MAP1B: variants seen among roughly 807,000 people sequenced by gnomAD.
MAP1B encodes the protein microtubule associated protein 1B, also known as microtubule-associated protein 1B.
In MAP1B, 12 loss-of-function variants were observed where a neutral mutation model predicts 176.1. That is an observed-to-expected ratio of 0.07 (90% CI 0.04 to 0.11). The LOEUF is 0.11. Among genes scored for constraint, MAP1B ranks in the 10% least tolerant of loss-of-function variants. MAP1B has a pLI of 1.00. For synonymous variants in MAP1B, 1,044 were observed against 1,135.0 expected, an observed-to-expected ratio of 0.92 and a Z score of 1.61; for missense variants, 2,523 against 2,990.5, an observed-to-expected ratio of 0.84 and a Z score of 3.65.
intron 2 of MAP1B, among the ~76,000 whole-genome samples, chr5:72,144,970 T>G (rs914718338): frequency 6.6e-6 from 1 of 152,268 alleles, no homozygotes; most frequent in African/African-American, 2.4e-5. Context: ...TGTGTGAGAT[T>G]CTAGAGGGCC....
intron 2 of MAP1B, among the ~76,000 whole-genome samples, chr5:72,155,231 C>T (rs1176767475): frequency 6.6e-6 from 1 of 152,188 alleles, no homozygotes; most frequent in African/African-American, 2.4e-5. Flanking sequence ...TTGCTCCCCC[C>T]AGAGTACTGT....
At chr5:72,184,741 G>A (rs1465172724) in intron 3 of MAP1B, among the ~76,000 whole-genome samples, 1 of 152,156 alleles carries the variant, frequency 6.6e-6, no homozygotes, top group East Asian at 1.9e-4. Context: ...CAAAGTCCCT[G>A]GGAACCTTCA....
At chr5:72,113,214 T>C (rs928854544) in intron 1 of MAP1B, among the ~76,000 whole-genome samples, 2 of 152,212 alleles carry the variant, frequency 1.3e-5, no homozygotes, top group Non-Finnish European at 2.9e-5. Flanking sequence ...GATTCCAAAA[T>C]TTTCCTTTCC....
intron 1 of MAP1B, among the ~76,000 whole-genome samples, chr5:72,108,178 C>T (rs894333347): frequency 2.6e-5 from 4 of 152,260 alleles, no homozygotes; most frequent in African/African-American, 9.6e-5. Context: ...GGGATTCATC[C>T]TCACCACGGC....
rs1332657424 is a variant in MAP1B at position 72,186,552 on chromosome 5, C to G, written c.370-62C>G. 3 of 1,592,288 alleles carry G rather than the reference C, an allele frequency of 1.9e-6. No individual in the cohort carries two copies. Among genetic ancestry groups the G allele is most frequent in the Non-Finnish European group, 2.6e-6 (3 of 1,166,498 alleles). ...CCATGGCTCCGAAGGCTAGCCCTGT[C>G]CTGAAGGTGGGATGGCAGCACTGCC... On this transcript the variant is annotated intron_variant, in intron 3 of 6. Coordinates refer to ENST00000296755, the MANE Select transcript of MAP1B (RefSeq NM_005909.5). This position sits in a 1 kb window ranked among gnomAD's most constrained non-coding sequence, Gnocchi z 4.3.
At chr5:72,161,383 T>C (rs1177297651) in intron 2 of MAP1B, among the ~76,000 whole-genome samples, 1 of 152,216 alleles carries the variant, frequency 6.6e-6, no homozygotes, top group Admixed American at 6.5e-5. Flanking sequence ...ATGGTGGCTA[T>C]TGTGGCTCAT....
At chr5:72,150,667 G>A (rs369661932) in intron 2 of MAP1B, among the ~76,000 whole-genome samples, 5 of 152,048 alleles carry the variant, frequency 3.3e-5, no homozygotes, top group Admixed American at 2.0e-4. Context: ...TCCACCCTCC[G>A]ATAGGCCCCA....
chr5:72,154,582 C>G (rs548640715), intron 2 of MAP1B, among the ~76,000 whole-genome samples: 1 of 152,282 alleles, frequency 6.6e-6, no homozygotes, highest in East Asian at 1.9e-4. Flanking sequence ...ATGACCTTTG[C>G]CAACCAGAGT....
At position 72,198,818 on chromosome 5, in the gene MAP1B, A is replaced by G; in HGVS notation, c.5463A>G (p.Pro1821=). The change falls in exon 5 of 7, where the codon CCA becomes CCG. Residue 1821 remains proline, a synonymous_variant. Transcript: ENST00000296755. ...CTTGCCACAGTTCCTCTTCTCCACCAATAGATGCAGCATCCGCAGAGCCCT... is the reference window on the plus strand; with the variant it reads ...CTTGCCACAGTTCCTCTTCTCCACCGATAGATGCAGCATCCGCAGAGCCCT... ...TATCHSSSSP[P]IDAASAEPYG... is the part of the protein sequence containing the mutation. 1 of 1,614,208 alleles carries G rather than the reference A, an allele frequency of 6.2e-7. No homozygotes were observed. The highest frequency in any genetic ancestry group is 8.5e-7 in the Non-Finnish European group (1 of 1,180,032).
chr5:72,150,388 C>T (rs1269481019), intron 2 of MAP1B, among the ~76,000 whole-genome samples: 1 of 152,180 alleles, frequency 6.6e-6, no homozygotes, highest in Non-Finnish European at 1.5e-5. Flanking sequence ...GCCGAAATGA[C>T]CCCAAACATT....
chr5:72,146,054 A>G (rs1450503112), intron 2 of MAP1B, among the ~76,000 whole-genome samples: 1 of 152,170 alleles, frequency 6.6e-6, no homozygotes, highest in Non-Finnish European at 1.5e-5. Flanking sequence ...TTTAATTTAC[A>G]CTCTTTTTTT....
At chr5:72,140,845 C>G (rs1745934668) in intron 2 of MAP1B, among the ~76,000 whole-genome samples, 1 of 152,190 alleles carries the variant, frequency 6.6e-6, no homozygotes, top group South Asian at 2.1e-4. Flanking sequence ...TTTCTAGCGT[C>G]CATCTTGGAT....
chr5:72,194,244 C>A lies in MAP1B; in HGVS notation c.889C>A (p.Leu297Ile). The change falls in exon 5 of 7, where the codon CTC becomes ATC. Residue 297 changes from leucine (L) to isoleucine (I), a missense_variant. Transcript: ENST00000296755. The surrounding 1 kb of genome is among the most constrained non-coding windows in gnomAD (Gnocchi z 7.2). ...GSERKSCFWK[L>I]IRHLDRVDSI... ...AGAGAGAAAATCCTGCTTCTGGAAG[C>A]TCATCCGACACTTAGACCGAGTGGA... is the stretch of plus-strand genomic sequence containing the variant. 6.2e-7 allele frequency: 1 copy of A among 1,614,222 alleles called. No homozygotes were observed. Among genetic ancestry groups the A allele is most frequent in the Non-Finnish European group, 8.5e-7 (1 of 1,180,040 alleles).
intron 2 of MAP1B, among the ~76,000 whole-genome samples, chr5:72,181,027 T>C (rs1480426665): frequency 7.2e-5 from 11 of 152,344 alleles, no homozygotes; most frequent in African/African-American, 2.4e-4. Flanking sequence ...AATTCTCTTC[T>C]GTAGACTCAT....
chr5:72,152,849 A>G (rs1746166802), intron 2 of MAP1B, among the ~76,000 whole-genome samples: 1 of 152,190 alleles, frequency 6.6e-6, no homozygotes, highest in Admixed American at 6.5e-5. Flanking sequence ...GCCTGTGGAC[A>G]TACAGTGGCT....
chr5:72,196,714 C>CTCAGTCTACTAT lies in MAP1B; in HGVS notation c.3361_3372dup (p.Gln1121_Ile1124dup). Reference sequence around the variant, plus strand: ...GAATTCACTGCCACCTCTGGCTACACTCAGTCTACTATTGAGATATCCAGT... The same window carrying CTCAGTCTACTAT: ...GAATTCACTGCCACCTCTGGCTACACTCAGTCTACTATTCAGTCTACTATTGAGATATCCAGT... On this transcript the variant is annotated inframe_insertion, in exon 5 of 7. Coordinates refer to ENST00000296755, the MANE Select transcript of MAP1B (RefSeq NM_005909.5). The surrounding 1 kb of genome is among the most constrained non-coding windows in gnomAD (Gnocchi z 5.3). 1 of 1,614,172 alleles carries CTCAGTCTACTAT rather than the reference C, an allele frequency of 6.2e-7. No homozygotes were observed. Among genetic ancestry groups the CTCAGTCTACTAT allele is most frequent in the Non-Finnish European group, 8.5e-7 (1 of 1,180,018 alleles).
At chr5:72,150,103 T>A (rs1054161450) in intron 2 of MAP1B, among the ~76,000 whole-genome samples, 2 of 152,234 alleles carry the variant, frequency 1.3e-5, no homozygotes, top group African/African-American at 4.8e-5. Context: ...TGGGCTGATA[T>A]TAAGTCCCAT....
chr5:72,135,141 C>T (rs927065010), intron 2 of MAP1B, among the ~76,000 whole-genome samples: 3 of 151,640 alleles, frequency 2.0e-5, no homozygotes, highest in Non-Finnish European at 4.4e-5. Flanking sequence ...TAACAATAAC[C>T]CTGAGTCAGA....
Position 72,186,500 on chromosome 5 carries a change from T to A in MAP1B, c.370-114T>A. 7.7e-7 allele frequency: 1 copy of A among 1,304,870 alleles called. No individual in the cohort carries two copies. The highest frequency in any genetic ancestry group is 1.4e-5 in the South Asian group (1 of 72,366). 80.8% of individuals were successfully genotyped at this position (1,304,870 alleles called of 1,614,324 possible). A position where few individuals can be genotyped will look rare whatever the true frequency, so the allele number is the denominator to read the frequency against. ...CAGGAGAAATTAGACCTTTGGGGAA[T>A]GAATGCTTTTTGCTGGTAATAAACT... is the stretch of plus-strand genomic sequence containing the variant. On this transcript the variant is annotated intron_variant, in intron 3 of 6. Coordinates refer to ENST00000296755, the MANE Select transcript of MAP1B (RefSeq NM_005909.5). The surrounding 1 kb of genome is among the most constrained non-coding windows in gnomAD (Gnocchi z 4.3).
Sources: gnomAD v4.1 joint callset for allele counts (sites outside exome capture counted in the v4.1 genomes callset) on GRCh38, gnomAD v4.1.1 for gene constraint, Gnocchi (gnomAD v3.1) non-coding constraint, MANE v1.5 for transcripts, NCBI Gene and HGNC (gene_info 2026-07-23, HGNC 2026-07-21) for gene names.